PLEKHA7: variants seen among roughly 807,000 people sequenced by gnomAD.
PLEKHA7 encodes the protein pleckstrin homology domain-containing family A member 7.
A neutral mutation model predicts 170.0 loss-of-function variants in PLEKHA7; 104 were observed. That is an observed-to-expected ratio of 0.61 (90% CI 0.52 to 0.72). The LOEUF is 0.72. Ranked by LOEUF, PLEKHA7 falls within the 30% of genes least tolerant of loss-of-function variation. The pLI is 0.00. For synonymous variants in PLEKHA7, 648 were observed against 660.8 expected (o/e 0.98, Z 0.30); for missense variants, 1,615 against 1,671.7 (o/e 0.97, Z 0.59).
intron 3 of PLEKHA7, among the ~76,000 whole-genome samples, chr11:16,894,224 T>C (rs903841925): frequency 7.2e-5 from 11 of 152,142 alleles, no homozygotes; most frequent in African/African-American, 2.4e-4. Flanking sequence ...GGACATCTAA[T>C]CAGGGAGGGG....
intron 3 of PLEKHA7, among the ~76,000 whole-genome samples, chr11:16,972,720 CA>C (rs1448990116): frequency 6.6e-6 from 1 of 152,156 alleles, no homozygotes; most frequent in Non-Finnish European, 1.5e-5. Flanking sequence ...TACACCTGGT[CA>C]AAACATATTT....
At position 16,838,529 on chromosome 11, in the gene PLEKHA7, A is replaced by AG. The variant is rs1178809130; in HGVS notation, c.872+3017_872+3018insC. ...CTCTGTGTCTTAAAAAAAAAAAAAA[A>AG]AAGTGGAAATAAATATAAAAGATCC... On this transcript the variant is annotated intron_variant, in intron 9 of 26. Transcript: ENST00000531066. Among the ~76,000 whole-genome samples the AG allele has an allele frequency of 2.0e-5, 3 of 151,668 alleles. No homozygotes were observed. The East Asian group carries it at 5.8e-4, about 29-fold the overall frequency.
At chr11:16,882,364 C>T (rs1232009399) in intron 3 of PLEKHA7, among the ~76,000 whole-genome samples, 1 of 152,160 alleles carries the variant, frequency 6.6e-6, no homozygotes, top group South Asian at 2.1e-4. Context: ...AGCTTTAGGG[C>T]CCCTCACTTT....
At chr11:16,816,682 T>C (rs1017875247) in intron 11 of PLEKHA7, 118 bp downstream of exon 11, 2 of 1,240,396 alleles carry the variant, frequency 1.6e-6, no homozygotes. Flanking sequence ...TAAAATGTAC[T>C]GCCTAAGTAT....
Position 16,840,221 on chromosome 11 carries a change from C to T in PLEKHA7, c.872+1326G>A, listed in dbSNP as rs535387986. Among the ~76,000 whole-genome samples, 3 of 152,302 alleles carry T rather than the reference C, an allele frequency of 2.0e-5. No individual in the cohort carries two copies. In the South Asian group the frequency reaches 6.2e-4, roughly 32 times the overall value. On this transcript the variant is annotated intron_variant, in intron 9 of 26. Coordinates refer to ENST00000531066, the MANE Select transcript of PLEKHA7 (RefSeq NM_001329630.2). ...CGAATCTCTCACTCACTCACTCACTCACCAGACATTTGAGAGCTTACTATG... is the reference window on the plus strand; with the variant it reads ...CGAATCTCTCACTCACTCACTCACTTACCAGACATTTGAGAGCTTACTATG...
intron 3 of PLEKHA7, among the ~76,000 whole-genome samples, chr11:16,977,439 G>A (rs1445398971): frequency 6.6e-6 from 1 of 152,062 alleles, no homozygotes; most frequent in Non-Finnish European, 1.5e-5. Context: ...TGCCTTTTCA[G>A]ACTTCCTCTA....
At chr11:16,854,162 A>T (rs1446339725) in intron 6 of PLEKHA7, among the ~76,000 whole-genome samples, 1 of 152,204 alleles carries the variant, frequency 6.6e-6, no homozygotes, top group African/African-American at 2.4e-5. Flanking sequence ...GCAAGGAGAG[A>T]AGGAGAGCAA....
chr11:16,973,696 T>G (rs1269554932), intron 3 of PLEKHA7, among the ~76,000 whole-genome samples: 1 of 152,198 alleles, frequency 6.6e-6, no homozygotes, highest in Non-Finnish European at 1.5e-5. Context: ...CTGCTTCCTA[T>G]GATGGGCCCT....
intron 12 of PLEKHA7, among the ~76,000 whole-genome samples, chr11:16,814,526 C>T (rs181322591): frequency 5.3e-5 from 8 of 152,296 alleles, no homozygotes; most frequent in African/African-American, 1.9e-4. Context: ...GAGGGCAGCC[C>T]CCTAGCCAGT....
chr11:16,951,689 T>C (rs935695203), intron 3 of PLEKHA7, among the ~76,000 whole-genome samples: 8 of 152,212 alleles, frequency 5.3e-5, no homozygotes, highest in African/African-American at 1.9e-4. Flanking sequence ...AGGAGATGGT[T>C]AGAGACATTT....
At chr11:16,855,042 C>A (rs754394538) in intron 5 of PLEKHA7, 49 bp from the exon 6 acceptor site, 8 of 1,515,542 alleles carry the variant, frequency 5.3e-6, no homozygotes, top group East Asian at 2.3e-5. Flanking sequence ...TAAGGTGACA[C>A]AAAAAAGCAC....
intron 4 of PLEKHA7, among the ~76,000 whole-genome samples, chr11:16,869,414 T>C (rs1394611047): frequency 2.0e-5 from 3 of 152,242 alleles, no homozygotes; most frequent in African/African-American, 7.2e-5. Context: ...CTAAGCTGTG[T>C]GTCTCTGGGC....
At chr11:16,856,617 G>C (rs575931955) in intron 4 of PLEKHA7, among the ~76,000 whole-genome samples, 1 of 152,168 alleles carries the variant, frequency 6.6e-6, no homozygotes, top group African/African-American at 2.4e-5. Context: ...TCCCACCAAG[G>C]AGCTGCCCTG....
chr11:16,854,884 C>A lies in PLEKHA7; in HGVS notation c.522+5G>T. Reference sequence around the variant, plus strand: ...TCCAGGATTCTCACTCCTCGGCTTCCTCACCTGCTTGTGCAGCCAGCCCCT... The same window carrying A: ...TCCAGGATTCTCACTCCTCGGCTTCATCACCTGCTTGTGCAGCCAGCCCCT... On this transcript the variant is annotated splice_donor_5th_base_variant and intron_variant, in intron 6 of 26. Coordinates refer to ENST00000531066, the MANE Select transcript of PLEKHA7 (RefSeq NM_001329630.2). 5 of 1,613,168 alleles carry A rather than the reference C, an allele frequency of 3.1e-6. No homozygotes were observed. The African/African-American group carries it at 4.0e-5, about 13-fold the overall frequency.
intron 3 of PLEKHA7, among the ~76,000 whole-genome samples, chr11:16,973,799 T>C (rs1862874127): frequency 6.6e-6 from 1 of 151,998 alleles, no homozygotes; most frequent in South Asian, 2.1e-4. Context: ...GGAGTGTTCC[T>C]CCCCATCCAC....
At chr11:16,911,838 T>G (rs1215230074) in intron 3 of PLEKHA7, among the ~76,000 whole-genome samples, 1 of 152,112 alleles carries the variant, frequency 6.6e-6, no homozygotes, top group African/African-American at 2.4e-5. Flanking sequence ...AGAGACACAC[T>G]CATATCCTGC....
intron 13 of PLEKHA7, among the ~76,000 whole-genome samples, chr11:16,806,651 T>C (rs1849010571): frequency 6.6e-6 from 1 of 152,218 alleles, no homozygotes; most frequent in South Asian, 2.1e-4. Flanking sequence ...AAAGAGGGTA[T>C]GGGCAGGGGG....
intron 3 of PLEKHA7, among the ~76,000 whole-genome samples, chr11:17,003,085 C>T (rs1425761971): frequency 1.3e-5 from 2 of 150,776 alleles, no homozygotes; most frequent in Admixed American, 1.3e-4. Flanking sequence ...CTCTGCCTCC[C>T]GTTCAAGCGA....
At chr11:16,783,968 CAAA>C in intron 24 of PLEKHA7, 135 bp from the exon 25 acceptor site, 1 of 965,658 alleles carries the variant, frequency 1.0e-6, no homozygotes. Context: ...GCTAAGATCA[CAAA>C]ATTAGTCAGT....
Sources: allele counts gnomAD v4.1 joint callset (sites outside exome capture counted in the v4.1 genomes callset), GRCh38; gene constraint gnomAD v4.1.1; transcripts MANE v1.5; gene names NCBI Gene and HGNC (gene_info 2026-07-23, HGNC 2026-07-21).